Variants in PCDHGB1 observed in about 807,000 individuals in gnomAD.
PCDHGB1 encodes protocadherin gamma subfamily B, 1, also known as protocadherin gamma-B1.
Under a neutral mutation model 56.6 loss-of-function variants are expected in PCDHGB1, and 34 were observed. The ratio of observed to expected loss-of-function variants is 0.60; its 90% CI spans 0.46 to 0.80. PCDHGB1 has a LOEUF of 0.80. Ranked by LOEUF, PCDHGB1 falls within the 30% of genes least tolerant of loss-of-function variation. The pLI, the probability that PCDHGB1 is intolerant of heterozygous loss-of-function variation, is 0.00. For synonymous variants in PCDHGB1, 561 were observed against 505.9 expected (o/e 1.11, Z -1.46); for missense variants, 1,278 against 1,204.6 (o/e 1.06, Z -0.90).
chr5:141,405,599 A>G, intron 1 of PCDHGB1: 2 of 575,638 alleles, frequency 3.5e-6, no homozygotes, highest in South Asian at 4.5e-5. Flanking sequence ...CCTCCCAAGT[A>G]GAATAACTGG....
In PCDHGB1 at chr5:141,351,171, A is replaced by AT; in HGVS notation, c.915dup (p.Glu306Ter). 1 of 1,614,038 alleles carries AT rather than the reference A, an allele frequency of 6.2e-7. No individual in the cohort carries two copies. The highest frequency in any genetic ancestry group is 8.5e-7 in the Non-Finnish European group (1 of 1,179,886). ...GACATCACAACCAATGGCACATTGG[A>AT]TTTTGAAGAGACAAGTAGATATGTG... On this transcript the variant is annotated frameshift_variant, in exon 1 of 4. Transcript: ENST00000523390. LOFTEE classifies it high-confidence loss of function.
At chr5:141,376,078 C>T (rs752847017) in intron 1 of PCDHGB1, 7 of 1,613,392 alleles carry the variant, frequency 4.3e-6, no homozygotes, top group South Asian at 3.3e-5. Flanking sequence ...TGGCCGTGGC[C>T]GACAGGATCC....
At chr5:141,415,502 A>C (rs1162629839) in intron 1 of PCDHGB1, 6 of 1,614,086 alleles carry the variant, frequency 3.7e-6, no homozygotes, top group Admixed American at 1.7e-5. Flanking sequence ...ATCTTCCCCC[A>C]GCCCAATTAT....
intron 1 of PCDHGB1, chr5:141,413,362 C>G: frequency 1.2e-6 from 2 of 1,613,988 alleles, no homozygotes; most frequent in South Asian, 1.1e-5. Context: ...GCCCCGGGAG[C>G]TGGCGGAGCG....
rs1425916218 is a variant in PCDHGB1 at position 141,351,653 on chromosome 5, G to C, written c.1393G>C (p.Ala465Pro). ...VHVSENNPPG[A>P]SIAQVSASDP... ...CGTGTCTGAGAACAACCCACCTGGCGCCTCCATTGCACAAGTAAGCGCCTC... is the reference window on the plus strand; with the variant it reads ...CGTGTCTGAGAACAACCCACCTGGCCCCTCCATTGCACAAGTAAGCGCCTC... Residue 465 changes from alanine to proline, a missense_variant, in exon 1 of 4, where the codon GCC becomes CCC. By Grantham distance (27) the Ala-to-Pro change is conservative. Transcript: ENST00000523390. 2 of 1,613,878 alleles carry C rather than the reference G, an allele frequency of 1.2e-6. No homozygotes were observed. Among genetic ancestry groups the C allele is most frequent in the South Asian group, 1.1e-5 (1 of 91,084 alleles).
chr5:141,422,175 T>G (rs2096631593), intron 1 of PCDHGB1: 1 of 1,564,276 alleles, frequency 6.4e-7, no homozygotes, highest in Non-Finnish European at 8.6e-7. Context: ...ATAGATTCTA[T>G]GAGATGGAAA....
intron 1 of PCDHGB1, chr5:141,417,205 C>G (rs1217296715): frequency 6.6e-6 from 1 of 151,986 alleles, no homozygotes; most frequent in Non-Finnish European, 1.5e-5. Context: ...TGAATATAGG[C>G]TAGAATTGAA....
intron 1 of PCDHGB1, among the ~76,000 whole-genome samples, chr5:141,445,609 T>A (rs900534761): frequency 1.3e-5 from 2 of 152,220 alleles, no homozygotes; most frequent in African/African-American, 4.8e-5. Flanking sequence ...CAAGGAAGGC[T>A]TTCTTTTTTT....
In PCDHGB1 at chr5:141,485,125, G is replaced by A. The variant is rs776015544; in HGVS notation, c.2410-9682G>A. 7.1e-7 allele frequency: 1 copy of A among 1,412,160 alleles called. No homozygotes were observed. The highest frequency in any genetic ancestry group is 1.2e-5 in the South Asian group (1 of 81,022). The allele number at this position is 1,412,160 out of a possible 1,614,324, so 87.5% of individuals were successfully genotyped here. On this transcript the variant is annotated intron_variant, in intron 1 of 3. Transcript: ENST00000523390. This position sits in a 1 kb window ranked among gnomAD's most constrained non-coding sequence, Gnocchi z 5.7. ...CTGCTGTGGCTGTTTGGGGCGGGTC[G>A]GCTTCATCCGCGTCTCAGGAGCAAG... is the stretch of plus-strand genomic sequence containing the variant.
Position 141,510,982 on chromosome 5 carries a change from G to A in PCDHGB1, c.2593G>A (p.Ala865Thr). The A allele has an allele frequency of 3.1e-6, 5 of 1,614,166 alleles. No homozygotes were observed. Among genetic ancestry groups the A allele is most frequent in the Non-Finnish European group, 3.4e-6 (4 of 1,180,018 alleles). Reference protein sequence around the residue: ...ADGSSTLGGGAGTMGLSARYG... With the variant: ...ADGSSTLGGGTGTMGLSARYG... Reference sequence around the variant, plus strand: ...TGGGAGCTCCACCCTGGGAGGGGGTGCCGGCACCATGGGATTGAGCGCCCG... The same window carrying A: ...TGGGAGCTCCACCCTGGGAGGGGGTACCGGCACCATGGGATTGAGCGCCCG... The change falls in exon 4 of 4, where the codon GCC (alanine) becomes ACC (threonine). Residue 865 changes from alanine to threonine, a missense_variant. Coordinates refer to ENST00000523390, the MANE Select transcript of PCDHGB1 (RefSeq NM_018922.3).
At chr5:141,430,661 G>A in intron 1 of PCDHGB1, 1 of 1,159,744 alleles carries the variant, frequency 8.6e-7, no homozygotes, top group South Asian at 2.1e-5. Context: ...CAACGGAGGA[G>A]CTCTGACTTC....
At position 141,357,408 on chromosome 5, in the gene PCDHGB1, T is replaced by C. The variant is rs73792169; in HGVS notation, c.2409+4739T>C. 2.9e-3 allele frequency: 4,630 copies of C among 1,614,246 alleles called. 117 individuals carry two copies. In the African/African-American group the frequency reaches 0.05, roughly 18 times the overall value. On this transcript the variant is annotated intron_variant, in intron 1 of 3. Transcript: ENST00000523390. Reference sequence around the variant, plus strand: ...AAGGCAGCAGGTTGGCAGGTGTGCCTGCCTCGCACTTTGTGGGCGTGGACG... The same window carrying C: ...AAGGCAGCAGGTTGGCAGGTGTGCCCGCCTCGCACTTTGTGGGCGTGGACG...
At chr5:141,358,058 T>C (rs1166026389) in intron 1 of PCDHGB1, among the ~76,000 whole-genome samples, 9 of 152,056 alleles carry the variant, frequency 5.9e-5, no homozygotes, top group Non-Finnish European at 1.0e-4. Flanking sequence ...GGCGTGGTGG[T>C]GTGTGCCCGT....
At chr5:141,482,366 AT>A (rs1425349819) in intron 1 of PCDHGB1, among the ~76,000 whole-genome samples, 1 of 152,150 alleles carries the variant, frequency 6.6e-6, no homozygotes, top group Non-Finnish European at 1.5e-5. Flanking sequence ...GTGAAAAGTA[AT>A]GCATATAAAG....
chr5:141,370,789 C>A (rs796186624), intron 1 of PCDHGB1: 4 of 1,613,906 alleles, frequency 2.5e-6, no homozygotes, highest in Non-Finnish European at 3.4e-6. Context: ...AACCCACCGA[C>A]CTTTAGCCAA....
Position 141,432,236 on chromosome 5 carries a change from G to A in PCDHGB1, c.2410-62571G>A, listed in dbSNP as rs752735346. On this transcript the variant is annotated intron_variant, in intron 1 of 3. Coordinates refer to ENST00000523390, the MANE Select transcript of PCDHGB1 (RefSeq NM_018922.3). This position sits in a 1 kb window ranked among gnomAD's most constrained non-coding sequence, Gnocchi z 6.0. ...CGCCCAGATCACTTATTCCCTGGCT[G>A]AGAACACCATCCAAGGGGCAAGCCT... is the stretch of plus-strand genomic sequence containing the variant. The A allele has an allele frequency of 8.7e-6, 14 of 1,614,130 alleles. No individual in the cohort carries two copies. The African/African-American group carries it at 9.3e-5, about 11-fold the overall frequency.
At chr5:141,418,441 A>T in intron 1 of PCDHGB1, 2 of 1,614,000 alleles carry the variant, frequency 1.2e-6, no homozygotes, top group East Asian at 4.5e-5. Flanking sequence ...ATCCAGAATT[A>T]GTATTGCAGA....
intron 1 of PCDHGB1, among the ~76,000 whole-genome samples, chr5:141,359,694 G>T (rs4912605): frequency 0.056 from 8,471 of 151,988 alleles, 245 homozygotes; most frequent in African/African-American, 0.071. Flanking sequence ...ACATATCTCC[G>T]GAAGGATACC....
intron 2 of PCDHGB1, among the ~76,000 whole-genome samples, chr5:141,498,789 C>T (rs1302940884): frequency 6.6e-6 from 1 of 151,980 alleles, no homozygotes; most frequent in Non-Finnish European, 1.5e-5. Context: ...AAATATTAGC[C>T]AGGTGTGGTG....
Sources: allele counts gnomAD v4.1 joint callset (sites outside exome capture counted in the v4.1 genomes callset), GRCh38; gene constraint gnomAD v4.1.1; non-coding constraint Gnocchi (gnomAD v3.1); transcripts MANE v1.5; gene names NCBI Gene and HGNC (gene_info 2026-07-23, HGNC 2026-07-21).